SCTR: variants seen among roughly 807,000 people sequenced by gnomAD.
SCTR encodes pancreatic secretin receptor.
Under a neutral mutation model 60.8 loss-of-function variants are expected in SCTR, and 56 were observed. That is an observed-to-expected ratio of 0.92 (90% CI 0.74 to 1.15). The LOEUF is 1.15. SCTR is among the 50% of genes most tolerant of loss of function. The pLI is 0.00. For missense variants in SCTR, 562 were observed against 550.4 expected (o/e 1.02, Z -0.21); for synonymous variants, 202 against 217.0 (o/e 0.93, Z 0.61).
chr2:119,454,169 G>T (rs1416527433), intron 7 of SCTR, among the ~76,000 whole-genome samples: 1 of 152,142 alleles, frequency 6.6e-6, no homozygotes, highest in African/African-American at 2.4e-5. Context: ...GTGCTGTCTG[G>T]GGCAATGCCG....
At position 119,440,061 on chromosome 2, in the gene SCTR, C is replaced by G. The variant is rs1682596227; in HGVS notation, c.*56G>C. 3 of 1,560,290 alleles carry G rather than the reference C, an allele frequency of 1.9e-6. No individual in the cohort carries two copies. Among genetic ancestry groups the G allele is most frequent in the Non-Finnish European group, 2.6e-6 (3 of 1,145,272 alleles). On this transcript the variant is annotated 3_prime_UTR_variant, in exon 13 of 13. Transcript: ENST00000019103. ...AGACTGGCTGTCCCACAGCAGTGCC[C>G]AGCCTTCGCAGGACCTCTCTTGGTC...
At chr2:119,523,593 A>G (rs564006804) in intron 1 of SCTR, among the ~76,000 whole-genome samples, 142 of 151,950 alleles carry the variant, frequency 9.3e-4, no homozygotes, top group African/African-American at 2.7e-3. Flanking sequence ...AGCTCCTGCC[A>G]GAGCTCCCTC....
Position 119,441,586 on chromosome 2 carries a change from G to C in SCTR, c.1154C>G (p.Ala385Gly). The C allele has an allele frequency of 6.2e-7, 1 of 1,613,052 alleles. No individual in the cohort carries two copies. Among genetic ancestry groups the C allele is most frequent in the South Asian group, 1.1e-5 (1 of 90,724 alleles). Residue 385 changes from alanine (A) to glycine (G), a missense_variant, in exon 12 of 13, where the codon GCC becomes GGC. Coordinates refer to ENST00000019103, the MANE Select transcript of SCTR (RefSeq NM_002980.3). Reference protein sequence around the residue: ...ALGSFQGLVVAVLYCFLNGEV... With the variant: ...ALGSFQGLVVGVLYCFLNGEV... The stretch of plus-strand genomic sequence containing the variant: ...CCCATTGAGGAAGCAGTAGAGGACG[G>C]CCACCACCAGTCCCTGCCAGAAGAA...
intron 5 of SCTR, among the ~76,000 whole-genome samples, chr2:119,465,262 A>G (rs1047950909): frequency 2.0e-5 from 3 of 152,264 alleles, no homozygotes; most frequent in Non-Finnish European, 2.9e-5. Context: ...AATGCCAGCA[A>G]CTGCTGGTGG....
intron 12 of SCTR, among the ~76,000 whole-genome samples, chr2:119,441,247 A>G (rs939467491): frequency 1.3e-5 from 2 of 152,254 alleles, no homozygotes; most frequent in South Asian, 2.1e-4. Context: ...CATTTGCTGA[A>G]CAGATCAACA....
intron 3 of SCTR, among the ~76,000 whole-genome samples, chr2:119,475,950 A>G (rs1024951614): frequency 1.3e-5 from 2 of 152,032 alleles, no homozygotes; most frequent in Non-Finnish European, 2.9e-5. Context: ...CCTTTTCAGA[A>G]TCAAAGGAAT....
At chr2:119,444,394 C>CAT (rs1366091998) in intron 11 of SCTR, among the ~76,000 whole-genome samples, 180 of 5,500 alleles carry the variant, frequency 0.033, 6 homozygotes, top group African/African-American at 0.14. Context: ...TATATATACA[C>CAT]ATATACGTAT....
intron 9 of SCTR, among the ~76,000 whole-genome samples, chr2:119,449,648 T>C (rs1683068976): frequency 6.6e-6 from 1 of 152,090 alleles, no homozygotes; most frequent in South Asian, 2.1e-4. Flanking sequence ...CTCACACACC[T>C]GCTCCAGCCA....
At chr2:119,519,944 C>T (rs1380786056) in intron 1 of SCTR, among the ~76,000 whole-genome samples, 1 of 151,564 alleles carries the variant, frequency 6.6e-6, no homozygotes, top group Non-Finnish European at 1.5e-5. Context: ...AATGGCTTCA[C>T]ATCTATCCAA....
At chr2:119,524,049 G>C (rs1412609753) in intron 1 of SCTR, 106 bp downstream of exon 1, 1 of 824,636 alleles carries the variant, frequency 1.2e-6, no homozygotes. Flanking sequence ...ATTCCTCATG[G>C]GAAGATCTGC....
At chr2:119,445,685 G>A (rs185025379) in intron 11 of SCTR, among the ~76,000 whole-genome samples, 2 of 152,320 alleles carry the variant, frequency 1.3e-5, no homozygotes, top group African/African-American at 4.8e-5. Context: ...ACTACTGGGA[G>A]AATTTTGTCT....
At chr2:119,508,643 C>G (rs756015859) in intron 1 of SCTR, among the ~76,000 whole-genome samples, 1 of 152,030 alleles carries the variant, frequency 6.6e-6, no homozygotes, top group Admixed American at 6.6e-5. Flanking sequence ...CCTGCCTCAG[C>G]CTCCCAAAGT....
intron 1 of SCTR, among the ~76,000 whole-genome samples, chr2:119,505,368 T>C (rs1290385780): frequency 6.6e-5 from 10 of 151,700 alleles, no homozygotes; most frequent in Non-Finnish European, 1.5e-5. Flanking sequence ...ATATATCTAA[T>C]GTTAAATGAC....
chr2:119,454,182 G>T (rs1683283323), intron 7 of SCTR, among the ~76,000 whole-genome samples: 1 of 152,128 alleles, frequency 6.6e-6, no homozygotes, highest in Non-Finnish European at 1.5e-5. Context: ...CAATGCCGCT[G>T]GGGAAGTGCC....
At chr2:119,471,978 C>A (rs1460940891) in intron 4 of SCTR, among the ~76,000 whole-genome samples, 1 of 152,174 alleles carries the variant, frequency 6.6e-6, no homozygotes, top group East Asian at 1.9e-4. Flanking sequence ...TGTTTAAGTG[C>A]ACAAACAAAT....
chr2:119,448,417 T>C lies in SCTR; in HGVS notation c.1013+272A>G, dbSNP rs543483791. Among the ~76,000 whole-genome samples the C allele has an allele frequency of 2.2e-4, 34 of 152,304 alleles. No individual in the cohort carries two copies. The South Asian group carries it at 2.7e-3, about 12-fold the overall frequency. On this transcript the variant is annotated intron_variant, in intron 10 of 12. Coordinates refer to ENST00000019103, the MANE Select transcript of SCTR (RefSeq NM_002980.3). ...TGTGAATTTCAGTCTTTGAAGCCCA[T>C]GTGGAGACTCCCTAGCCTTGCCCCA... is the stretch of plus-strand genomic sequence containing the variant.
At chr2:119,508,782 T>C (rs1678843681) in intron 1 of SCTR, among the ~76,000 whole-genome samples, 1 of 152,332 alleles carries the variant, frequency 6.6e-6, no homozygotes, top group South Asian at 2.1e-4. Context: ...AAGGCTCTTA[T>C]TGAGCTAATT....
intron 2 of SCTR, among the ~76,000 whole-genome samples, chr2:119,487,790 C>G (rs550379452): frequency 1.2e-4 from 18 of 152,152 alleles, no homozygotes; most frequent in African/African-American, 4.3e-4. Context: ...GTGGCGGGCT[C>G]GGTGACAGCT....
intron 3 of SCTR, among the ~76,000 whole-genome samples, chr2:119,475,603 C>CATATATAT (rs10643411): frequency 1.6e-4 from 23 of 143,584 alleles, no homozygotes; most frequent in Middle Eastern, 3.6e-3. Context: ...GATGTTTGTG[C>CATATATAT]ATATATATAT....
Sources: allele counts gnomAD v4.1 joint callset (sites outside exome capture counted in the v4.1 genomes callset), GRCh38; gene constraint gnomAD v4.1.1; transcripts MANE v1.5; gene names NCBI Gene and HGNC (gene_info 2026-07-23, HGNC 2026-07-21).